The following NTN5 variants were observed in gnomAD, a reference collection of about 807,000 sequenced individuals.
The protein encoded by NTN5 is netrin-5.
Under a neutral mutation model 38.7 loss-of-function variants are expected in NTN5, and 42 were observed. The ratio of observed to expected loss-of-function variants is 1.08; its 90% CI spans 0.85 to 1.40. The LOEUF is 1.40. Ranked by LOEUF, NTN5 falls within the 40% of genes most tolerant of loss-of-function variation. NTN5 has a pLI of 0.00. For missense variants in NTN5, 658 were observed against 716.5 expected (o/e 0.92, Z 0.93); for synonymous variants, 329 against 303.9 (o/e 1.08, Z -0.86).
chr19:48,661,999 G>A lies in NTN5; in HGVS notation c.1148C>T (p.Ala383Val), dbSNP rs1422094078. The A allele has an allele frequency of 5.4e-6, 8 of 1,487,664 alleles. No individual in the cohort carries two copies. The highest frequency in any genetic ancestry group is 7.1e-6 in the Non-Finnish European group (8 of 1,126,042). 92.2% of individuals were successfully genotyped at this position (1,487,664 alleles called of 1,614,324 possible). ...QVLASEAAGP[A>V]WQRLAVRVLA... ...CACGCGCACGGCCAGCCGCTGCCATGCCGGGCCCGCCGCCTCGGACGCTAG... is the reference window on the plus strand; with the variant it reads ...CACGCGCACGGCCAGCCGCTGCCATACCGGGCCCGCCGCCTCGGACGCTAG... Residue 383 changes from alanine to valine, a missense_variant, in exon 7 of 7, where the codon GCA (alanine) becomes GTA (valine). Coordinates refer to ENST00000270235, the MANE Select transcript of NTN5 (RefSeq NM_145807.4).
intron 6 of NTN5, chr19:48,663,161 C>A (rs955327305): frequency 1.9e-6 from 1 of 525,114 alleles, no homozygotes; most frequent in Non-Finnish European, 3.7e-6. Flanking sequence ...GAGTTCATTC[C>A]ACTCAACCAG....
At chr19:48,669,584 A>ACCACCAC (rs2031849716) in intron 2 of NTN5, among the ~76,000 whole-genome samples, 1 of 31,246 alleles carries the variant, frequency 3.2e-5, no homozygotes, top group Non-Finnish European at 5.7e-5. Flanking sequence ...CATCACCACC[A>ACCACCAC]CGACCACCAT....
Position 48,664,285 on chromosome 19 carries a change from C to T in NTN5, c.828G>A (p.Gln276=), listed in dbSNP as rs769931807. 1.9e-6 allele frequency: 3 copies of T among 1,612,908 alleles called. No individual in the cohort carries two copies. Among genetic ancestry groups the T allele is most frequent in the Non-Finnish European group, 2.5e-6 (3 of 1,179,544 alleles). Residue 276 remains glutamine (Q), a synonymous_variant, in exon 4 of 7, where the codon CAG becomes CAA. Coordinates refer to ENST00000270235, the MANE Select transcript of NTN5 (RefSeq NM_145807.4). ...CTCCTGTTGCCCCAATAGGGTGGCACTGGCAGGCTACATGAGCAGAGGAGC... is the reference window on the plus strand; with the variant it reads ...CTCCTGTTGCCCCAATAGGGTGGCATTGGCAGGCTACATGAGCAGAGGAGC... ...IFSRRACRAC[Q]CHPIGATGGT...
Position 48,661,890 on chromosome 19 carries a change from G to C in NTN5, c.1257C>G (p.Gly419=), listed in dbSNP as rs764420964. 2.7e-5 allele frequency: 36 copies of C among 1,349,780 alleles called. No individual in the cohort carries two copies. In the East Asian group the frequency reaches 1.2e-3, roughly 45 times the overall value. 83.6% of individuals were successfully genotyped at this position (1,349,780 alleles called of 1,614,324 possible). A position where few individuals can be genotyped will look rare whatever the true frequency, so the allele number is the denominator to read the frequency against. The change falls in exon 7 of 7, where the codon GGC becomes GGG. Residue 419 remains glycine (G), a synonymous_variant. Transcript: ENST00000270235. ...CGGTGCCTGGCTGCAGGCGCAGGCA[G>C]CCGCAGGTCAGGTCGGCGCGGGGCA... The part of the protein sequence containing the change: ...AWVPRADLTC[G]CLRLQPGTDY...
intron 2 of NTN5, among the ~76,000 whole-genome samples, chr19:48,665,353 C>T (rs1419755528): frequency 6.7e-6 from 1 of 149,224 alleles, no homozygotes; most frequent in Non-Finnish European, 1.5e-5. Context: ...GGAGAATCTC[C>T]TGAACCCGGG....
At chr19:48,664,425 GC>G in intron 3 of NTN5, 133 bp from the exon 4 acceptor site, 1 of 1,305,664 alleles carries the variant, frequency 7.7e-7, no homozygotes. Context: ...AGGAGTCCAG[GC>G]CCCCAGCCCC....
chr19:48,672,430 G>A (rs764033439), intron 1 of NTN5, among the ~76,000 whole-genome samples: 3 of 152,096 alleles, frequency 2.0e-5, no homozygotes, highest in Non-Finnish European at 4.4e-5. Flanking sequence ...GCACCCTGGC[G>A]GTTGAGGTGG....
At chr19:48,669,576 T>TCACCACCACCACCAC (rs1356023446) in intron 2 of NTN5, among the ~76,000 whole-genome samples, 1 of 12,220 alleles carries the variant, frequency 8.2e-5, no homozygotes, top group African/African-American at 5.5e-4. Flanking sequence ...ATCACCACCA[T>TCACCACCACCACCAC]CACCACCACG....
At chr19:48,669,694 CCAT>C (rs772820293) in intron 2 of NTN5, among the ~76,000 whole-genome samples, 12,832 of 56,398 alleles carry the variant, frequency 0.23, 488 homozygotes, top group Non-Finnish European at 0.28. Flanking sequence ...ATCACCACCA[CCAT>C]CATCACCATC....
chr19:48,672,496 A>G (rs144064131), intron 1 of NTN5, among the ~76,000 whole-genome samples: 2,437 of 152,212 alleles, frequency 0.016, 61 homozygotes, highest in African/African-American at 0.056. Flanking sequence ...TGTTGGCCAC[A>G]TGCAGACGCT....
intron 6 of NTN5, chr19:48,663,036 A>AT: frequency 5.7e-5 from 21 of 369,998 alleles, no homozygotes; most frequent in Admixed American, 1.6e-4. Flanking sequence ...GCAGGTGTGG[A>AT]CTGGGGATTA....
At position 48,661,720 on chromosome 19, in the gene NTN5, C is replaced by G. The variant is rs1226585694; in HGVS notation, c.1427G>C (p.Arg476Pro). Residue 476 changes from arginine (R) to proline (P), a missense_variant, in exon 7 of 7, where the codon CGC becomes CCC. By Grantham distance (103) the Arg-to-Pro change is moderately radical. Transcript: ENST00000270235. ...LQQEERAGGC[R>P]GVRAPTPSPR... ...ACTGGGTGTGGGTGCCCGCACGCCG[C>G]GGCAGCCTCCGGCGCGCTCCTCCTG... The G allele has an allele frequency of 1.7e-5, 27 of 1,552,756 alleles. No homozygotes were observed. Among genetic ancestry groups the G allele is most frequent in the Admixed American group, 3.7e-5 (2 of 54,480 alleles).
chr19:48,666,115 AC>A (rs1412794074), intron 2 of NTN5, among the ~76,000 whole-genome samples: 2 of 152,164 alleles, frequency 1.3e-5, no homozygotes, highest in Non-Finnish European at 1.5e-5. Flanking sequence ...TGAGGCTGGC[AC>A]TATTATCATC....
chr19:48,670,367 T>G lies in NTN5; in HGVS notation c.620A>C (p.His207Pro). 7.1e-7 allele frequency: 1 copy of G among 1,408,508 alleles called. No individual in the cohort carries two copies. The highest frequency in any genetic ancestry group is 9.2e-7 in the Non-Finnish European group (1 of 1,082,456). 87.3% of individuals were successfully genotyped at this position (1,408,508 alleles called of 1,614,324 possible). ...GGCGCAGGACTCACGTAGGCAAGGGTGGGGGTGCCGGGGCGTGGCAGGCCG... is the reference window on the plus strand; with the variant it reads ...GGCGCAGGACTCACGTAGGCAAGGGGGGGGGTGCCGGGGCGTGGCAGGCCG... ...PWRPATPRHP[H>P]PCLPCSCNQH... is the part of the protein sequence containing the mutation. The change falls in exon 2 of 7, where the codon CAC becomes CCC. Residue 207 changes from histidine to proline, a missense_variant. His to Pro is a moderately conservative substitution (Grantham distance 77, BLOSUM62 -2). Coordinates refer to ENST00000270235, the MANE Select transcript of NTN5 (RefSeq NM_145807.4).
intron 2 of NTN5, among the ~76,000 whole-genome samples, chr19:48,669,688 C>CCAT (rs2031862169): frequency 1.8e-5 from 2 of 111,270 alleles, no homozygotes; most frequent in South Asian, 3.1e-4. Flanking sequence ...ACCACCATCA[C>CCAT]CACCACCATC....
At chr19:48,669,040 T>TCACCAC (rs1416867007) in intron 2 of NTN5, among the ~76,000 whole-genome samples, 1 of 115,178 alleles carries the variant, frequency 8.7e-6, no homozygotes, top group Non-Finnish European at 1.8e-5. Flanking sequence ...ATCACTATCA[T>TCACCAC]CACCACCACC....
intron 6 of NTN5, 125 bp downstream of exon 6, chr19:48,663,338 G>C: frequency 1.1e-6 from 1 of 879,852 alleles, no homozygotes; most frequent in Non-Finnish European, 1.9e-6. Flanking sequence ...ATCAGGAAGG[G>C]GTTTGGAATC....
Position 48,669,905 on chromosome 19 carries a change from A to AT in NTN5, c.631+450_631+451insA, listed in dbSNP as rs1361132633. Among the ~76,000 whole-genome samples the AT allele has an allele frequency of 1.1e-4, 15 of 134,718 alleles. 1 individual carries two copies. The East Asian group carries it at 2.9e-3, about 26-fold the overall frequency. The allele number at this position is 134,718 out of a possible 152,430, so 88.4% of individuals were successfully genotyped here. On this transcript the variant is annotated intron_variant, in intron 2 of 6. Coordinates refer to ENST00000270235, the MANE Select transcript of NTN5 (RefSeq NM_145807.4). ...TACCATCACCATCACCACCACCATC[A>AT]CCACCACCACCATCACCATCATCAC...
intron 2 of NTN5, among the ~76,000 whole-genome samples, chr19:48,668,173 G>A (rs1387109113): frequency 2.6e-5 from 4 of 152,222 alleles, no homozygotes; most frequent in South Asian, 4.1e-4. Flanking sequence ...ATGGAGCAGC[G>A]GATTGTTGCA....
Sources: gnomAD v4.1 joint callset for allele counts (sites outside exome capture counted in the v4.1 genomes callset) on GRCh38, gnomAD v4.1.1 for gene constraint, MANE v1.5 for transcripts, NCBI Gene and HGNC (gene_info 2026-07-23, HGNC 2026-07-21) for gene names.